The following BRD1 variants were observed in gnomAD, a reference collection of about 807,000 sequenced individuals.
BRD1 encodes the protein bromodomain-containing protein 1.
In BRD1, 24 loss-of-function variants were observed where a neutral mutation model predicts 107.7. The observed-to-expected ratio is 0.22, with a 90% CI of 0.16 to 0.31. BRD1 has a LOEUF of 0.31. Among genes scored for constraint, BRD1 ranks in the 10% least tolerant of loss-of-function variants. BRD1 has a pLI of 1.00. For synonymous variants in BRD1, 744 were observed against 686.1 expected, an observed-to-expected ratio of 1.08 and a Z score of -1.32; for missense variants, 1,279 against 1,638.6, an observed-to-expected ratio of 0.78 and a Z score of 3.79.
At position 49,787,681 on chromosome 22, in the gene BRD1, G is replaced by A. The variant is rs1386097118; in HGVS notation, c.2566C>T (p.Arg856Cys). Residue 856 changes from arginine to cysteine, a missense_variant, in exon 8 of 13, where the codon CGC becomes TGC. Coordinates refer to ENST00000404760, the MANE Select transcript of BRD1 (RefSeq NM_001304808.3). ...GCCGGCACATCGCCACTACTGGCGC[G>A]GGTGGGCTCTGGAGGGCGTCCGCTT... ...LVSGRPPEPTRASSGDVPAAA... is the reference protein window; with the variant it reads ...LVSGRPPEPTCASSGDVPAAA... 5 of 1,550,660 alleles carry A rather than the reference G, an allele frequency of 3.2e-6. No individual in the cohort carries two copies. The highest frequency in any genetic ancestry group is 4.4e-6 in the Non-Finnish European group (5 of 1,146,992).
rs933721416 is a variant in BRD1 at position 49,800,323 on chromosome 22, G to A, written c.1525-1204C>T. ...GAGCGTTGCTGCGCTGATGTCCCCT[G>A]AAGTGAGGATCTCTGGGTTTTCCTC... On this transcript the variant is annotated intron_variant, in intron 3 of 12. Coordinates refer to ENST00000404760, the MANE Select transcript of BRD1 (RefSeq NM_001304808.3). Among the ~76,000 whole-genome samples, 9 of 152,170 alleles carry A rather than the reference G, an allele frequency of 5.9e-5. No individual in the cohort carries two copies. In the South Asian group the frequency reaches 1.7e-3, roughly 28 times the overall value.
At chr22:49,775,004 G>C (rs2059053783) in intron 12 of BRD1, among the ~76,000 whole-genome samples, 1 of 152,240 alleles carries the variant, frequency 6.6e-6, no homozygotes, top group Non-Finnish European at 1.5e-5. Flanking sequence ...ACGTGCGCAG[G>C]GCACAGCCGG....
At chr22:49,810,897 G>T (rs1259960581) in intron 2 of BRD1, among the ~76,000 whole-genome samples, 1 of 152,130 alleles carries the variant, frequency 6.6e-6, no homozygotes, top group Non-Finnish European at 1.5e-5. Context: ...TCCACTCCTA[G>T]AATATACCCA....
chr22:49,813,988 G>A (rs950340460), intron 2 of BRD1, among the ~76,000 whole-genome samples: 27 of 152,026 alleles, frequency 1.8e-4, no homozygotes, highest in Admixed American at 1.6e-3. Flanking sequence ...AACAAACTTC[G>A]GTTCATCAGA....
intron 8 of BRD1, among the ~76,000 whole-genome samples, chr22:49,784,263 C>A (rs2059276832): frequency 6.6e-6 from 1 of 151,014 alleles, no homozygotes; most frequent in African/African-American, 2.4e-5. Context: ...AGCACGTGCA[C>A]AGGGAGACTC....
chr22:49,793,962 T>TCTGTGC (rs568083785), intron 7 of BRD1, 72 bp downstream of exon 7: 273 of 1,546,460 alleles, frequency 1.8e-4, no homozygotes, highest in East Asian at 8.3e-4. Flanking sequence ...CGTGTCTGGG[T>TCTGTGC]CTGTGCCTGT....
At chr22:49,802,065 T>C (rs2059652383) in intron 3 of BRD1, among the ~76,000 whole-genome samples, 1 of 152,240 alleles carries the variant, frequency 6.6e-6, no homozygotes, top group Non-Finnish European at 1.5e-5. Flanking sequence ...AGCCCCGAGA[T>C]AAGACCCAAG....
At chr22:49,822,471 G>A (rs1182254532) in intron 2 of BRD1, among the ~76,000 whole-genome samples, 1 of 151,470 alleles carries the variant, frequency 6.6e-6, no homozygotes, top group Non-Finnish European at 1.5e-5. Flanking sequence ...ACTTTGGGAA[G>A]CCAAGGCGGG....
intron 3 of BRD1, among the ~76,000 whole-genome samples, chr22:49,802,025 C>G (rs948384408): frequency 3.3e-5 from 5 of 152,266 alleles, no homozygotes; most frequent in Admixed American, 6.5e-5. Flanking sequence ...CCTTCAACAG[C>G]TCCTCTGTGA....
Position 49,777,733 on chromosome 22 carries a change from G to A in BRD1, c.2938C>T (p.Arg980Cys), listed in dbSNP as rs925602300. 22 of 1,607,136 alleles carry A rather than the reference G, an allele frequency of 1.4e-5. No homozygotes were observed. The highest frequency in any genetic ancestry group is 5.3e-5 in the African/African-American group (4 of 74,854). ...GAGATGCTGGACTCGGAGGCACAGC[G>A]TCGTCGGGGTGTGGCCTTCCTCCCC... is the stretch of plus-strand genomic sequence containing the variant. ...GLGRKATPRR[R>C]CASESSISSS... Residue 980 changes from arginine (R) to cysteine (C), a missense_variant, in exon 9 of 13, where the codon CGC becomes TGC. Around this residue, in one of 7 missense-constraint regions of BRD1, gnomAD observed 263 missense variants for 251.6 expected, o/e 1.05. Coordinates refer to ENST00000404760, the MANE Select transcript of BRD1 (RefSeq NM_001304808.3).
At position 49,823,679 on chromosome 22, in the gene BRD1, C is replaced by A; in HGVS notation, c.639G>T (p.Glu213Asp). The A allele has an allele frequency of 6.2e-7, 1 of 1,613,484 alleles. No individual in the cohort carries two copies. Among genetic ancestry groups the A allele is most frequent in the South Asian group, 1.1e-5 (1 of 91,050 alleles). The change falls in exon 2 of 13, where the codon GAG becomes GAT. Residue 213 changes from glutamate (E) to aspartate (D), a missense_variant. This residue lies in a region of BRD1 where 158 missense variants were observed against 310.2 expected (regional missense o/e 0.51). Transcript: ENST00000404760. Reference sequence around the variant, plus strand: ...CCATGCAGATGCAGCACACGGCGTCCTCGTCGATCAGAGACTGCTGCTCGC... The same window carrying A: ...CCATGCAGATGCAGCACACGGCGTCATCGTCGATCAGAGACTGCTGCTCGC... ...KQGEQQSLID[E>D]DAVCCICMDG... is the part of the protein sequence containing the mutation.
At chr22:49,779,124 A>C (rs756625947) in intron 8 of BRD1, among the ~76,000 whole-genome samples, 2 of 152,020 alleles carry the variant, frequency 1.3e-5, no homozygotes, top group African/African-American at 4.8e-5. Context: ...CCAAGGATGG[A>C]GTGCAATGGA....
rs772074481 is a variant in BRD1 at position 49,787,362 on chromosome 22, G to A, written c.2857+28C>T. ...GCTCCAGGCACTGGTCGGCAAGGGCGCCTCTCAGGGCCGCCCGCGGCATTT... is the reference window on the plus strand; with the variant it reads ...GCTCCAGGCACTGGTCGGCAAGGGCACCTCTCAGGGCCGCCCGCGGCATTT... On this transcript the variant is annotated intron_variant, in intron 8 of 12. Transcript: ENST00000404760. The A allele has an allele frequency of 7.1e-6, 11 of 1,552,856 alleles. 1 individual carries two copies. Among genetic ancestry groups the A allele is most frequent in the Middle Eastern group, 1.9e-4 (1 of 5,182 alleles).
intron 7 of BRD1, among the ~76,000 whole-genome samples, chr22:49,790,428 A>C (rs2059412488): frequency 6.6e-6 from 1 of 152,180 alleles, no homozygotes; most frequent in Non-Finnish European, 1.5e-5. Flanking sequence ...TGCTCGATAC[A>C]ACTCGGGCAT....
Position 49,824,541 on chromosome 22 carries a change from A to G in BRD1, c.-14-210T>C, listed in dbSNP as rs1483220842. ...CAGGGAGGGAGCAGCAGTAACAGGCAGAGAGGCAGCCTGAGGAGCCCTCCT... is the reference window on the plus strand; with the variant it reads ...CAGGGAGGGAGCAGCAGTAACAGGCGGAGAGGCAGCCTGAGGAGCCCTCCT... On this transcript the variant is annotated intron_variant, in intron 1 of 12. Transcript: ENST00000404760. The surrounding 1 kb of genome is among the most constrained non-coding windows in gnomAD (Gnocchi z 5.9). 2 of 1,392,756 alleles carry G rather than the reference A, an allele frequency of 1.4e-6. No individual in the cohort carries two copies. Among genetic ancestry groups the G allele is most frequent in the Non-Finnish European group, 1.9e-6 (2 of 1,075,072 alleles). 86.3% of individuals were successfully genotyped at this position (1,392,756 alleles called of 1,614,324 possible).
Position 49,792,095 on chromosome 22 carries a change from T to A in BRD1, c.2359+1939A>T, listed in dbSNP as rs532733941. Among the ~76,000 whole-genome samples the A allele has an allele frequency of 6.6e-6, 1 of 151,990 alleles. No individual in the cohort carries two copies. The highest frequency in any genetic ancestry group is 1.5e-5 in the Non-Finnish European group (1 of 68,016). ...TCCAACCATGCGAGGTCCTCAACCA[T>A]GCGAGGTCCTCAGTCCTGTGACCCA... On this transcript the variant is annotated intron_variant, in intron 7 of 12. Transcript: ENST00000404760. This position sits in a 1 kb window ranked among gnomAD's most constrained non-coding sequence, Gnocchi z 4.2.
chr22:49,820,949 A>G (rs2060054323), intron 2 of BRD1: 1 of 152,292 alleles, frequency 6.6e-6, no homozygotes, highest in Admixed American at 6.5e-5. Flanking sequence ...GCGGCCAGGA[A>G]CACTCGTCCA....
intron 2 of BRD1, among the ~76,000 whole-genome samples, chr22:49,816,337 C>T (rs1275231052): frequency 6.6e-6 from 1 of 151,998 alleles, no homozygotes; most frequent in Non-Finnish European, 1.5e-5. Context: ...AGCAAGACCC[C>T]GCCTCAATTA....
intron 9 of BRD1, 134 bp downstream of exon 9, chr22:49,777,544 C>A (rs1170461270): frequency 1.5e-5 from 19 of 1,239,880 alleles, no homozygotes; most frequent in Non-Finnish European, 2.1e-5. Flanking sequence ...GGGCAGAGCA[C>A]ACATGAATCC....
Sources: allele counts gnomAD v4.1 joint callset (sites outside exome capture counted in the v4.1 genomes callset), GRCh38; gene constraint gnomAD v4.1.1; regional missense constraint gnomAD v4.1.1; non-coding constraint Gnocchi (gnomAD v3.1); transcripts MANE v1.5; gene names NCBI Gene and HGNC (gene_info 2026-07-23, HGNC 2026-07-21).